The following PCDH15 variants were observed in gnomAD, a reference collection of about 807,000 sequenced individuals.
PCDH15 encodes the protein protocadherin related 15, also known as protocadherin-15.
PCDH15 carries 129 observed loss-of-function variants against 178.5 expected under a neutral mutation model. That is an observed-to-expected ratio of 0.72 (90% confidence interval 0.63 to 0.84). The LOEUF (loss-of-function observed/expected upper bound fraction) is 0.84. PCDH15 is among the 40% of genes least tolerant of loss of function. The pLI is 0.00. For synonymous variants in PCDH15, 800 were observed against 732.0 expected (o/e 1.09, Z -1.50); for missense variants, 2,230 against 2,099.9 (o/e 1.06, Z -1.21).
At chr10:54,419,306 A>C (rs755033608) in intron 3 of PCDH15, among the ~76,000 whole-genome samples, 1 of 151,914 alleles carries the variant, frequency 6.6e-6, no homozygotes, top group Admixed American at 6.6e-5. Flanking sequence ...CAATTCTTTC[A>C]TAAGCAGTAT....
At chr10:54,039,556 T>C (rs116220595) in intron 18 of PCDH15, among the ~76,000 whole-genome samples, 297 of 152,062 alleles carry the variant, frequency 2.0e-3, no homozygotes, top group African/African-American at 6.9e-3. Flanking sequence ...AAAAACATAC[T>C]TCAGATAAGT....
chr10:53,991,149 C>T (rs2091450289), intron 21 of PCDH15, among the ~76,000 whole-genome samples: 1 of 152,148 alleles, frequency 6.6e-6, no homozygotes, highest in African/African-American at 2.4e-5. Flanking sequence ...CTGCCCCCTG[C>T]TCCATGGCGC....
chr10:55,579,495 TTA>T (rs984871224), intron 2 of PCDH15, among the ~76,000 whole-genome samples: 2 of 152,210 alleles, frequency 1.3e-5, no homozygotes. Context: ...GCTAAAATTT[TTA>T]TATGATTTCT....
intron 3 of PCDH15, among the ~76,000 whole-genome samples, chr10:54,844,085 A>C (rs1953464396): frequency 6.6e-6 from 1 of 152,128 alleles, no homozygotes; most frequent in South Asian, 2.1e-4. Flanking sequence ...AAAGAGGTAA[A>C]AGTATGTCCA....
chr10:54,488,198 T>G (rs533685862), intron 3 of PCDH15, among the ~76,000 whole-genome samples: 1 of 152,076 alleles, frequency 6.6e-6, no homozygotes, highest in African/African-American at 2.4e-5. Flanking sequence ...AATTTAAAAC[T>G]ATGTTTTCAA....
At chr10:54,718,642 G>A (rs1453363160) in intron 1 of PCDH15, among the ~76,000 whole-genome samples, 19 of 145,290 alleles carry the variant, frequency 1.3e-4, no homozygotes, top group South Asian at 2.2e-4. Flanking sequence ...ATGAAAGTAT[G>A]AAAAACAGAG....
intron 3 of PCDH15, among the ~76,000 whole-genome samples, chr10:54,520,942 C>T (rs1396034871): frequency 6.6e-6 from 1 of 151,684 alleles, no homozygotes; most frequent in South Asian, 2.1e-4. Context: ...AAACATCATT[C>T]TCAGCAAACT....
chr10:54,312,222 A>T (rs983583522), intron 8 of PCDH15, among the ~76,000 whole-genome samples: 6 of 152,130 alleles, frequency 3.9e-5, no homozygotes, highest in African/African-American at 1.4e-4. Context: ...AAAGAATAAA[A>T]GTACAGACAT....
At chr10:54,411,628 C>T (rs555736445) in intron 3 of PCDH15, among the ~76,000 whole-genome samples, 6 of 152,200 alleles carry the variant, frequency 3.9e-5, no homozygotes, top group East Asian at 1.9e-4. Context: ...ATAGTAAACA[C>T]GTAATAAGTG....
intron 8 of PCDH15, among the ~76,000 whole-genome samples, chr10:54,286,843 G>A (rs541727779): frequency 6.6e-6 from 1 of 152,262 alleles, no homozygotes; most frequent in South Asian, 2.1e-4. Flanking sequence ...GGCCAGGCTG[G>A]TGTTGAACTC....
chr10:53,925,607 C>G (rs1056374663), intron 25 of PCDH15, among the ~76,000 whole-genome samples: 1 of 152,228 alleles, frequency 6.6e-6, no homozygotes, highest in African/African-American at 2.4e-5. Flanking sequence ...TAGCTCATCT[C>G]CTCTTAAAGA....
intron 18 of PCDH15, among the ~76,000 whole-genome samples, chr10:54,040,925 T>C (rs1461852794): frequency 1.3e-5 from 2 of 152,090 alleles, no homozygotes; most frequent in African/African-American, 2.4e-5. Context: ...ATCAATATTA[T>C]GTGGTTGCAG....
intron 2 of PCDH15, among the ~76,000 whole-genome samples, chr10:55,519,300 A>AC (rs1565216722): frequency 4.0e-5 from 6 of 148,914 alleles, no homozygotes; most frequent in Non-Finnish European, 4.5e-5. Context: ...AAAAAAAAAA[A>AC]CCCAATAGAT....
At chr10:54,992,798 A>AAAT (rs1351975357) in intron 2 of PCDH15, among the ~76,000 whole-genome samples, 1 of 152,000 alleles carries the variant, frequency 6.6e-6, no homozygotes, top group East Asian at 1.9e-4. Context: ...AGATAAGCAA[A>AAAT]AATAATAGAT....
At chr10:54,106,103 A>G (rs1055337069) in intron 15 of PCDH15, among the ~76,000 whole-genome samples, 5 of 152,184 alleles carry the variant, frequency 3.3e-5, no homozygotes, top group African/African-American at 1.2e-4. Flanking sequence ...CAGAAAGCAG[A>G]CTGGTAGTTG....
chr10:54,803,275 T>C (rs2133719030), upstream of PCDH15, among the ~76,000 whole-genome samples: 1 of 152,352 alleles, frequency 6.6e-6, no homozygotes, highest in South Asian at 2.1e-4. Context: ...AATTATCATC[T>C]ATGTTTCATT....
chr10:54,353,699 T>G (rs1420763579), intron 5 of PCDH15, among the ~76,000 whole-genome samples: 1 of 152,096 alleles, frequency 6.6e-6, no homozygotes, highest in Non-Finnish European at 1.5e-5. Context: ...GTTTCATTAA[T>G]GTTTTTCAGA....
At chr10:55,105,989 A>G (rs1276873925) in intron 2 of PCDH15, among the ~76,000 whole-genome samples, 1 of 151,746 alleles carries the variant, frequency 6.6e-6, no homozygotes, top group Non-Finnish European at 1.5e-5. Flanking sequence ...TTCAATGACA[A>G]TACTCCTGGA....
At chr10:55,218,504 C>G (rs187024342) in intron 1 of PCDH15, among the ~76,000 whole-genome samples, 1 of 152,006 alleles carries the variant, frequency 6.6e-6, no homozygotes, top group Non-Finnish European at 1.5e-5. Context: ...GTCTGGAGAA[C>G]ATCCTTCCCT....
Sources: gnomAD v4.1 joint callset for allele counts (sites outside exome capture counted in the v4.1 genomes callset) on GRCh38, gnomAD v4.1.1 for gene constraint, MANE v1.5 for transcripts, NCBI Gene and HGNC (gene_info 2026-07-23, HGNC 2026-07-21) for gene names.